The following MZT2A variants were observed in gnomAD, a reference collection of about 807,000 sequenced individuals.
The protein encoded by MZT2A is mitotic-spindle organizing protein 2A.
A neutral mutation model predicts 12.4 loss-of-function variants in MZT2A; 8 were observed. That is an observed-to-expected ratio of 0.64 (90% CI 0.38 to 1.16). The LOEUF (loss-of-function observed/expected upper bound fraction) is 1.16, where lower values mean the gene tolerates loss of function less well. MZT2A is among the 50% of genes most tolerant of loss of function. The pLI, the probability that MZT2A is intolerant of heterozygous loss-of-function variation, is 0.01. For synonymous variants in MZT2A, 88 were observed against 107.5 expected (o/e 0.82, Z 1.12); for missense variants, 181 against 223.6 (o/e 0.81, Z 1.22).
At chr2:131,493,589 G>A (rs1047008216), upstream of MZT2A, among the ~76,000 whole-genome samples, 1 of 152,118 alleles carries the variant, frequency 6.6e-6, no homozygotes, top group African/African-American at 2.4e-5. Context: ...AAGTGGGCGC[G>A]TGCTGTTAAG....
intron 2 of MZT2A, among the ~76,000 whole-genome samples, chr2:131,488,428 G>T (rs1679141337): frequency 6.6e-6 from 1 of 152,132 alleles, no homozygotes. Flanking sequence ...GAGGACCCAG[G>T]GTGCCTGCTG....
chr2:131,484,254 C>G, intron 2 of MZT2A, 36 bp from the exon 3 acceptor site: 2 of 1,602,044 alleles, frequency 1.2e-6, no homozygotes, highest in African/African-American at 2.7e-5. Flanking sequence ...TAGGAATGGA[C>G]GCGCCCCATA....
At chr2:131,492,127 C>G in intron 1 of MZT2A, 80 bp downstream of exon 1, 2 of 1,545,840 alleles carry the variant, frequency 1.3e-6, no homozygotes, top group Non-Finnish European at 1.7e-6. Flanking sequence ...GGGCTCCTCC[C>G]GACCAGCGGG....
upstream of MZT2A, among the ~76,000 whole-genome samples, chr2:131,493,445 C>T (rs1203882682): frequency 2.0e-5 from 3 of 152,164 alleles, no homozygotes; most frequent in African/African-American, 2.4e-5. Context: ...TGAAATTGAG[C>T]CTTGGGCTCA....
At chr2:131,483,774 T>C (rs1678937318), downstream of MZT2A, among the ~76,000 whole-genome samples, 1 of 152,106 alleles carries the variant, frequency 6.6e-6, no homozygotes. Context: ...GTGAAGCTTG[T>C]TGATGTCTAT....
At chr2:131,482,580 T>C (rs746295299), downstream of MZT2A, 9 of 1,611,106 alleles carry the variant, frequency 5.6e-6, no homozygotes, top group Non-Finnish European at 4.2e-6. Context: ...CCCCCCACAG[T>C]GGTCCCCGGG....
intron 2 of MZT2A, among the ~76,000 whole-genome samples, chr2:131,474,379 G>A (rs957504271): frequency 6.8e-6 from 1 of 147,324 alleles, no homozygotes; most frequent in African/African-American, 2.5e-5. Context: ...TTACAGGCAT[G>A]AGCCACCGCG....
At chr2:131,476,794 G>C (rs1366304464) in intron 2 of MZT2A, among the ~76,000 whole-genome samples, 1 of 151,664 alleles carries the variant, frequency 6.6e-6, no homozygotes, top group African/African-American at 2.4e-5. Flanking sequence ...AATTACCCGG[G>C]CATGGTGATG....
At chr2:131,484,503 C>T (rs1435391442) in intron 2 of MZT2A, among the ~76,000 whole-genome samples, 1 of 152,206 alleles carries the variant, frequency 6.6e-6, no homozygotes, top group Non-Finnish European at 1.5e-5. Context: ...GGACACATGC[C>T]ACGGGCCCAT....
At chr2:131,476,575 G>A (rs1029557947) in intron 2 of MZT2A, among the ~76,000 whole-genome samples, 1 of 152,202 alleles carries the variant, frequency 6.6e-6, no homozygotes, top group Non-Finnish European at 1.5e-5. Context: ...GGTTGGGGCT[G>A]TGGACATTGA....
rs1167284738 is a variant in MZT2A at position 131,491,898 on chromosome 2, C to A, written c.297G>T (p.Thr99=). The A allele has an allele frequency of 6.6e-7, 1 of 1,513,850 alleles. No individual in the cohort carries two copies. Among genetic ancestry groups the A allele is most frequent in the African/African-American group, 1.4e-5 (1 of 71,936 alleles). 93.8% of individuals were successfully genotyped at this position (1,513,850 alleles called of 1,614,324 possible). ...GACCTCGGGTCTCGGGCACGCTCGA[C>A]GTGGGCAGAGACACGGCCGCAGGGT... is the stretch of plus-strand genomic sequence containing the variant. The part of the protein sequence containing the change: ...PQDPAAVSLP[T]SSVPETRGRD... The change falls in exon 2 of 3, where the codon ACG becomes ACT. Residue 99 remains threonine (T), a synonymous_variant. Coordinates refer to ENST00000309451, the MANE Select transcript of MZT2A (RefSeq NM_001085365.2).
At position 131,492,195 on chromosome 2, in the gene MZT2A, C is replaced by G. The variant is rs747018130; in HGVS notation, c.170+12G>C. 6.4e-7 allele frequency: 1 copy of G among 1,557,762 alleles called. No homozygotes were observed. Among genetic ancestry groups the G allele is most frequent in the Non-Finnish European group, 8.7e-7 (1 of 1,155,528 alleles). On this transcript the variant is annotated intron_variant, in intron 1 of 2. Coordinates refer to ENST00000309451, the MANE Select transcript of MZT2A (RefSeq NM_001085365.2). The stretch of plus-strand genomic sequence containing the variant: ...GTCTGGCGAGCATGCGGCCCCCACC[C>G]GCCCCGCTCACTTGAACACGTCGGG...
upstream of MZT2A, chr2:131,492,408 C>CCGCCG (rs1679372123): frequency 1.4e-5 from 17 of 1,226,784 alleles, no homozygotes; most frequent in Non-Finnish European, 1.5e-5. Flanking sequence ...GCGCCCCGCC[C>CCGCCG]CGCCGCGCCC....
chr2:131,492,681 A>C, upstream of MZT2A: 2 of 1,250,928 alleles, frequency 1.6e-6, no homozygotes, highest in Non-Finnish European at 1.0e-6. Context: ...GGCAGCACCC[A>C]GCCCAGTGCC....
In MZT2A at chr2:131,484,218, C is replaced by T. The variant is rs1678962939; in HGVS notation, c.320G>A (p.Gly107Glu). 1 of 1,613,380 alleles carries T rather than the reference C, an allele frequency of 6.2e-7. No individual in the cohort carries two copies. The highest frequency in any genetic ancestry group is 8.5e-7 in the Non-Finnish European group (1 of 1,179,436). Residue 107 changes from glycine (G) to glutamate (E), a missense_variant and splice_region_variant, in exon 3 of 3, where the codon GGG becomes GAG. Transcript: ENST00000309451. The stretch of plus-strand genomic sequence containing the variant: ...GAGGGCAGCGCTGCCTTTGTCTCTC[C>T]CTAAGGAGACACAAAGCACAATGAT... ...LPTSSVPETR[G>E]RDKGSAALGG...
rs1233989680 is a variant in MZT2A at position 131,472,676 on chromosome 2, T to G, written c.279-494A>C. Among the ~76,000 whole-genome samples, 6 of 152,336 alleles carry G rather than the reference T, an allele frequency of 3.9e-5. No homozygotes were observed. The East Asian group carries it at 1.2e-3, about 29-fold the overall frequency. On this transcript the variant is annotated intron_variant and NMD_transcript_variant, in intron 2 of 4. Transcript: ENST00000427024. ...ACAGGTCTGTAGCCAAGGGGCAATATGCTATACCATGTGGTCTAGGTGTGC... is the reference window on the plus strand; with the variant it reads ...ACAGGTCTGTAGCCAAGGGGCAATAGGCTATACCATGTGGTCTAGGTGTGC...
downstream of MZT2A, chr2:131,480,120 G>T: frequency 6.2e-7 from 1 of 1,612,738 alleles, no homozygotes; most frequent in Non-Finnish European, 8.5e-7. Flanking sequence ...CAGCTTTGGG[G>T]GCGGCACTGG....
intron 2 of MZT2A, among the ~76,000 whole-genome samples, chr2:131,487,136 G>A (rs1679082480): frequency 2.0e-5 from 3 of 152,140 alleles, no homozygotes; most frequent in Admixed American, 1.3e-4. Context: ...CTGGTCCCTG[G>A]AGGGCCCTCC....
chr2:131,493,214 C>T (rs964214469), upstream of MZT2A: 1 of 1,370,082 alleles, frequency 7.3e-7, no homozygotes, highest in African/African-American at 1.5e-5. Context: ...CGGAGGCCAT[C>T]TCCGTTCCTC....
Sources: gnomAD v4.1 joint callset for allele counts (sites outside exome capture counted in the v4.1 genomes callset) on GRCh38, gnomAD v4.1.1 for gene constraint, MANE v1.5 for transcripts, NCBI Gene and HGNC (gene_info 2026-07-23, HGNC 2026-07-21) for gene names.